The following DLGAP2 variants were observed in gnomAD, a reference collection of about 807,000 sequenced individuals.
DLGAP2 encodes DLG associated protein 2.
DLGAP2 carries 26 observed loss-of-function variants against 100.3 expected under a neutral mutation model. The observed-to-expected ratio is 0.26, with a 90% confidence interval of 0.19 to 0.36. The LOEUF (loss-of-function observed/expected upper bound fraction) is 0.36, where lower values mean the gene tolerates loss of function less well. Among genes scored for constraint, DLGAP2 ranks in the 10% least tolerant of loss-of-function variants. DLGAP2 has a pLI of 1.00. For missense variants in DLGAP2, 1,858 were observed against 1,453.2 expected (o/e 1.28, Z -4.53); for synonymous variants, 886 against 630.1 (o/e 1.41, Z -6.08).
At chr8:1,244,614 C>CCCACCTCCT (rs56258172) in intron 2 of DLGAP2, among the ~76,000 whole-genome samples, 1 of 151,992 alleles carries the variant, frequency 6.6e-6, no homozygotes, top group Non-Finnish European at 1.5e-5. Context: ...CAAATCCAGC[C>CCCACCTCCT]CCATACACCA....
intron 2 of DLGAP2, among the ~76,000 whole-genome samples, chr8:1,234,075 A>T (rs1240377572): frequency 6.6e-6 from 1 of 152,156 alleles, no homozygotes. Context: ...TAAAGAGATA[A>T]AGTGCCAAAG....
intron 2 of DLGAP2, among the ~76,000 whole-genome samples, chr8:1,252,809 C>T (rs1372106470): frequency 6.6e-6 from 1 of 152,226 alleles, no homozygotes; most frequent in Non-Finnish European, 1.5e-5. Context: ...TGGAGCCTTT[C>T]CTGACGAGCA....
chr8:1,525,076 T>G lies in DLGAP2; in HGVS notation c.173-23550T>G, dbSNP rs375729355. Among the ~76,000 whole-genome samples the G allele has an allele frequency of 3.5e-4, 54 of 152,282 alleles. No individual in the cohort carries two copies. The South Asian group carries it at 6.6e-3, about 19-fold the overall frequency. On this transcript the variant is annotated intron_variant, in intron 4 of 14. Transcript: ENST00000637795. ...TTTCTTTCTGTTCAGAAGTGCTGAG[T>G]GTGCTCAAATTCCTTGGTCCTTTTT...
At chr8:1,493,443 A>T (rs1799451991) in intron 3 of DLGAP2, among the ~76,000 whole-genome samples, 1 of 152,100 alleles carries the variant, frequency 6.6e-6, no homozygotes, top group South Asian at 2.1e-4. Flanking sequence ...GCTTTCAGAC[A>T]CGCCTCTGCG....
intron 3 of DLGAP2, among the ~76,000 whole-genome samples, chr8:1,409,219 A>G (rs1037020475): frequency 2.0e-5 from 3 of 151,220 alleles, no homozygotes; most frequent in Non-Finnish European, 4.4e-5. Flanking sequence ...CTCCTTCCTC[A>G]CCATAGGAAG....
chr8:852,963 G>A (rs79436817), intron 1 of DLGAP2, among the ~76,000 whole-genome samples: 16,561 of 152,288 alleles, frequency 0.11, 1,372 homozygotes, highest in Admixed American at 0.27. Context: ...CTGGATCTTC[G>A]CAGATGGGTC....
intron 3 of DLGAP2, chr8:1,302,622 C>G (rs1451158453): frequency 6.6e-6 from 1 of 152,436 alleles, no homozygotes; most frequent in East Asian, 1.9e-4. Flanking sequence ...GGTTCCCGAG[C>G]CCTGCTCCAT....
rs546979210 is a variant in DLGAP2 at position 1,557,452 on chromosome 8, A to G, written c.1230+7769A>G. ...GAGGGGTGAGGACACAGGATGGGGCAGAGGGCAGGGGTGAGCAGCGGGGAC... is the reference window on the plus strand; with the variant it reads ...GAGGGGTGAGGACACAGGATGGGGCGGAGGGCAGGGGTGAGCAGCGGGGAC... On this transcript the variant is annotated intron_variant, in intron 5 of 14. Coordinates refer to ENST00000637795, the MANE Select transcript of DLGAP2 (RefSeq NM_001346810.2). Among the ~76,000 whole-genome samples the G allele has an allele frequency of 2.6e-5, 4 of 152,232 alleles. No homozygotes were observed. In the South Asian group the frequency reaches 8.3e-4, roughly 32 times the overall value.
At chr8:1,123,570 A>G (rs1187672898) in intron 2 of DLGAP2, among the ~76,000 whole-genome samples, 1 of 152,248 alleles carries the variant, frequency 6.6e-6, no homozygotes, top group Non-Finnish European at 1.5e-5. Flanking sequence ...AAAACCTGGA[A>G]AAGTGATACA....
At chr8:1,653,338 G>T (rs6991703) in intron 8 of DLGAP2, among the ~76,000 whole-genome samples, 53,837 of 152,056 alleles carry the variant, frequency 0.35, 9,534 homozygotes, top group East Asian at 0.39. Context: ...CCCCGCTCAC[G>T]GGGAGGCTGC....
chr8:1,210,237 C>T (rs1392139115), intron 2 of DLGAP2, among the ~76,000 whole-genome samples: 1 of 152,128 alleles, frequency 6.6e-6, no homozygotes, highest in African/African-American at 2.4e-5. Context: ...AGGTGACCTT[C>T]CTGGAGAGGC....
chr8:1,055,898 C>G (rs752925717), intron 2 of DLGAP2, among the ~76,000 whole-genome samples: 1 of 152,206 alleles, frequency 6.6e-6, no homozygotes, highest in South Asian at 2.1e-4. Context: ...GCTTCTCAAT[C>G]TTCAGATGTC....
chr8:806,233 A>G (rs1405003830), intron 1 of DLGAP2, among the ~76,000 whole-genome samples: 1 of 152,190 alleles, frequency 6.6e-6, no homozygotes, highest in Non-Finnish European at 1.5e-5. Flanking sequence ...TAGAGACTTT[A>G]CAGGATCATG....
chr8:1,392,666 T>C (rs1796393416), intron 3 of DLGAP2, among the ~76,000 whole-genome samples: 1 of 152,208 alleles, frequency 6.6e-6, no homozygotes, highest in South Asian at 2.1e-4. Context: ...TGGGCCTCCA[T>C]GCATCTCTGG....
rs545339921 is a variant in DLGAP2, at chr8:1,494,127, G to C, written c.107-7239G>C. Among the ~76,000 whole-genome samples the C allele has an allele frequency of 9.8e-5, 15 of 152,334 alleles. No individual in the cohort carries two copies. In the South Asian group the frequency reaches 2.9e-3, roughly 29 times the overall value. On this transcript the variant is annotated intron_variant, in intron 3 of 14. Coordinates refer to ENST00000637795, the MANE Select transcript of DLGAP2 (RefSeq NM_001346810.2). ...GCTGCAGGGCCCACACACAGTGGACGAAAGTGGGTCATGTCCTTCTCTTGG... is the reference window on the plus strand; with the variant it reads ...GCTGCAGGGCCCACACACAGTGGACCAAAGTGGGTCATGTCCTTCTCTTGG...
At chr8:1,288,222 G>C (rs1473447298) in intron 3 of DLGAP2, among the ~76,000 whole-genome samples, 5 of 115,570 alleles carry the variant, frequency 4.3e-5, no homozygotes, top group African/African-American at 1.3e-4. Context: ...TGTGTGGTTA[G>C]GAGGGGAACT....
intron 2 of DLGAP2, among the ~76,000 whole-genome samples, chr8:1,120,265 G>A (rs950471958): frequency 6.6e-6 from 1 of 152,166 alleles, no homozygotes; most frequent in Non-Finnish European, 1.5e-5. Flanking sequence ...TCAAGCAGCA[G>A]TCAGGGCCAA....
At chr8:1,354,110 C>T (rs1377847189) in intron 3 of DLGAP2, among the ~76,000 whole-genome samples, 2 of 152,134 alleles carry the variant, frequency 1.3e-5, no homozygotes, top group Non-Finnish European at 2.9e-5. Context: ...TTAACTTCAC[C>T]CAGAAATTGT....
chr8:1,045,156 T>A (rs1386746476), intron 2 of DLGAP2, among the ~76,000 whole-genome samples: 1 of 152,224 alleles, frequency 6.6e-6, no homozygotes, highest in Non-Finnish European at 1.5e-5. Context: ...TTCCCTGCAA[T>A]GTCCAGTCTG....
Sources: gnomAD v4.1 joint callset for allele counts (sites outside exome capture counted in the v4.1 genomes callset) on GRCh38, gnomAD v4.1.1 for gene constraint, MANE v1.5 for transcripts, NCBI Gene and HGNC (gene_info 2026-07-23, HGNC 2026-07-21) for gene names.